PTPRD: variants seen among roughly 807,000 people sequenced by gnomAD.
PTPRD encodes protein tyrosine phosphatase receptor type D, also known as receptor-type tyrosine-protein phosphatase delta.
Under a neutral mutation model 214.5 loss-of-function variants are expected in PTPRD, and 34 were observed. The observed-to-expected ratio is 0.16, with a 90% CI of 0.12 to 0.21. The LOEUF (loss-of-function observed/expected upper bound fraction) is 0.21, where lower values mean the gene tolerates loss of function less well. Among genes scored for constraint, PTPRD ranks in the 10% least tolerant of loss-of-function variants. PTPRD has a pLI of 1.00. For synonymous variants in PTPRD, 1,128 were observed against 845.7 expected (o/e 1.33, Z -5.79); for missense variants, 2,545 against 2,398.7 (o/e 1.06, Z -1.27).
intron 3 of PTPRD, among the ~76,000 whole-genome samples, chr9:10,102,649 C>T (rs2098565713): frequency 6.6e-6 from 1 of 151,254 alleles, no homozygotes; most frequent in Non-Finnish European, 1.5e-5. Flanking sequence ...TCAGATATTC[C>T]CCTAGATATT....
chr9:9,682,436 C>T (rs2097092893), intron 7 of PTPRD, among the ~76,000 whole-genome samples: 1 of 151,772 alleles, frequency 6.6e-6, no homozygotes, highest in South Asian at 2.1e-4. Context: ...GTTTCAGAGA[C>T]TTTCAAGGTT....
chr9:9,976,456 G>A (rs192399534), intron 4 of PTPRD, among the ~76,000 whole-genome samples: 3 of 151,264 alleles, frequency 2.0e-5, no homozygotes, highest in African/African-American at 7.3e-5. Context: ...GCATGATCTC[G>A]GCTCACTGCA....
chr9:9,779,651 T>C (rs887242946), intron 5 of PTPRD, among the ~76,000 whole-genome samples: 1 of 152,066 alleles, frequency 6.6e-6, no homozygotes, highest in East Asian at 1.9e-4. Context: ...AAAACCACAG[T>C]GAGATACCAT....
chr9:10,171,740 G>T (rs912417023), intron 3 of PTPRD, among the ~76,000 whole-genome samples: 2 of 152,098 alleles, frequency 1.3e-5, no homozygotes, highest in Non-Finnish European at 2.9e-5. Flanking sequence ...AACCAGGATG[G>T]TCTCGATCTC....
At chr9:8,812,762 C>T (rs1226257244) in intron 11 of PTPRD, among the ~76,000 whole-genome samples, 1 of 150,498 alleles carries the variant, frequency 6.6e-6, no homozygotes, top group African/African-American at 2.4e-5. Context: ...AATATACAAA[C>T]TTTTTTTTTA....
In PTPRD at chr9:10,480,044, G is replaced by C. The variant is rs76465585; in HGVS notation, c.-600+132354C>G. On this transcript the variant is annotated intron_variant, in intron 2 of 45. Transcript: ENST00000381196. ...GATATGAATGATTGTTCTCATCCTG[G>C]TGAAAGTATACTCCAATAAATAGGT... Among the ~76,000 whole-genome samples the C allele has an allele frequency of 9.7e-4, 148 of 152,232 alleles. 1 individual carries two copies. In the East Asian group the frequency reaches 0.028, roughly 29 times the overall value.
At chr9:10,596,916 G>A (rs2076752857) in intron 2 of PTPRD, among the ~76,000 whole-genome samples, 1 of 151,482 alleles carries the variant, frequency 6.6e-6, no homozygotes, top group South Asian at 2.1e-4. Flanking sequence ...GTCTTAGGTA[G>A]TATATGTAAT....
At chr9:8,331,559 T>TGGAAAC in intron 44 of PTPRD, 23 bp downstream of exon 44, 2 of 921,262 alleles carry the variant, frequency 2.2e-6, no homozygotes, top group Non-Finnish European at 2.8e-6. Context: ...TTATCACTGC[T>TGGAAAC]TTATTCACAA....
At chr9:10,189,971 G>T (rs972849257) in intron 3 of PTPRD, among the ~76,000 whole-genome samples, 2 of 152,018 alleles carry the variant, frequency 1.3e-5, no homozygotes, top group Non-Finnish European at 2.9e-5. Context: ...ATCAGAAAAT[G>T]GAGGTAAGAG....
chr9:9,200,880 T>G (rs1404958812), intron 9 of PTPRD, among the ~76,000 whole-genome samples: 1 of 152,220 alleles, frequency 6.6e-6, no homozygotes, highest in African/African-American at 2.4e-5. Flanking sequence ...CCCCATGTGG[T>G]TTTCCTCTCT....
At chr9:8,894,893 CAGAG>C (rs1406104591) in intron 11 of PTPRD, among the ~76,000 whole-genome samples, 1 of 152,022 alleles carries the variant, frequency 6.6e-6, no homozygotes, top group Non-Finnish European at 1.5e-5. Flanking sequence ...CACCAATCAA[CAGAG>C]AGAGAGACAA....
chr9:8,396,629 A>C (rs928837349), intron 36 of PTPRD, among the ~76,000 whole-genome samples: 2 of 152,324 alleles, frequency 1.3e-5, no homozygotes, highest in African/African-American at 4.8e-5. Context: ...GAGTAAAGCA[A>C]AAAACAACAC....
intron 34 of PTPRD, among the ~76,000 whole-genome samples, chr9:8,448,400 A>G (rs2095818398): frequency 6.6e-6 from 1 of 152,126 alleles, no homozygotes; most frequent in Admixed American, 6.5e-5. Flanking sequence ...GTTAGTATCC[A>G]CCTATTTCAA....
chr9:8,421,317 CTTCT>C (rs2094343622), intron 35 of PTPRD, among the ~76,000 whole-genome samples: 1 of 149,228 alleles, frequency 6.7e-6, no homozygotes, highest in East Asian at 2.0e-4. Flanking sequence ...TTTTCTCTTC[CTTCT>C]TTCTTTCCTT....
At chr9:10,169,613 A>T (rs1231877146) in intron 3 of PTPRD, among the ~76,000 whole-genome samples, 1 of 152,190 alleles carries the variant, frequency 6.6e-6, no homozygotes, top group African/African-American at 2.4e-5. Context: ...AGGTACTGTA[A>T]AAAACCCAAT....
intron 2 of PTPRD, among the ~76,000 whole-genome samples, chr9:10,581,704 AC>A (rs2071884087): frequency 6.6e-6 from 1 of 152,132 alleles, no homozygotes; most frequent in Non-Finnish European, 1.5e-5. Context: ...TGGGTAAATC[AC>A]CATTTTTATT....
chr9:9,306,108 G>C (rs564465016), intron 9 of PTPRD, among the ~76,000 whole-genome samples: 11 of 152,206 alleles, frequency 7.2e-5, no homozygotes, highest in African/African-American at 2.2e-4. Flanking sequence ...ATGAAGATAA[G>C]AACCCTACCA....
rs146956368 is a variant in PTPRD at position 8,990,969 on chromosome 9, C to A, written c.-104+27728G>T. Among the ~76,000 whole-genome samples, 1,514 of 152,146 alleles carry A rather than the reference C, an allele frequency of 1.0e-2. 5 individuals are homozygous for A. Among genetic ancestry groups the A allele is most frequent in the Non-Finnish European group, 0.015 (995 of 67,996 alleles). ...GTGGCTCATGTCTGTAGTCCCAACA[C>A]TTTGGGAGGTCAAGGCGGGAGGACC... On this transcript the variant is annotated intron_variant, in intron 11 of 45. Coordinates refer to ENST00000381196, the MANE Select transcript of PTPRD (RefSeq NM_002839.4).
At chr9:8,905,342 G>A (rs1298249408) in intron 11 of PTPRD, among the ~76,000 whole-genome samples, 2 of 151,670 alleles carry the variant, frequency 1.3e-5, no homozygotes, top group East Asian at 1.9e-4. Context: ...GGTTGCCCTC[G>A]GAAGTGCTAT....
Sources: allele counts gnomAD v4.1 joint callset (sites outside exome capture counted in the v4.1 genomes callset), GRCh38; gene constraint gnomAD v4.1.1; transcripts MANE v1.5; gene names NCBI Gene and HGNC (gene_info 2026-07-23, HGNC 2026-07-21).